Variants in ADGRG6 observed in about 807,000 individuals in gnomAD.
ADGRG6 encodes adhesion G protein-coupled receptor G6.
ADGRG6 carries 84 observed loss-of-function variants against 142.4 expected under a neutral mutation model. The ratio of observed to expected loss-of-function variants is 0.59; its 90% CI spans 0.49 to 0.71. The LOEUF is 0.71. ADGRG6 is among the 30% of genes least tolerant of loss of function. The pLI is 0.00. For missense variants in ADGRG6, 1,367 were observed against 1,466.6 expected, an observed-to-expected ratio of 0.93 and a Z score of 1.11; for synonymous variants, 521 against 520.5, an observed-to-expected ratio of 1.00 and a Z score of -0.01.
chr6:142,351,258 A>C (rs1400460930), intron 2 of ADGRG6, among the ~76,000 whole-genome samples: 2 of 152,104 alleles, frequency 1.3e-5, no homozygotes, highest in Non-Finnish European at 2.9e-5. Context: ...CAAAACAAAC[A>C]AACAAAAGAA....
chr6:142,315,685 G>A (rs1452786376), intron 2 of ADGRG6, among the ~76,000 whole-genome samples: 1 of 151,976 alleles, frequency 6.6e-6, no homozygotes, highest in Non-Finnish European at 1.5e-5. Context: ...CCAAAAATTA[G>A]CCTGGTGTGG....
Position 142,427,666 on chromosome 6 carries a change from C to G in ADGRG6, c.3319+7562C>G, listed in dbSNP as rs556036591. Among the ~76,000 whole-genome samples, 44 of 152,236 alleles carry G rather than the reference C, an allele frequency of 2.9e-4. No homozygotes were observed. In the South Asian group the frequency reaches 5.2e-3, roughly 18 times the overall value. ...TCTGTTTTCACACTACGGATAAACA[C>G]ATACCCAAAACTGGGCCGTTTATAA... On this transcript the variant is annotated intron_variant, in intron 22 of 24. Transcript: ENST00000367609.
Position 142,302,212 on chromosome 6 carries a change from G to A in ADGRG6, c.-118G>A. ...CAGAAACGGCGTAAAGGAGGGTCCC[G>A]CCGCGGCGCAGGGCTGGGGCGCCTG... is the stretch of plus-strand genomic sequence containing the variant. On this transcript the variant is annotated 5_prime_UTR_variant, in exon 1 of 25. Transcript: ENST00000367609. 1 of 1,188,084 alleles carries A rather than the reference G, an allele frequency of 8.4e-7. No individual in the cohort carries two copies. Among genetic ancestry groups the A allele is most frequent in the Non-Finnish European group, 1.2e-6 (1 of 844,864 alleles). The allele number at this position is 1,188,084 out of a possible 1,614,324, so 73.6% of individuals were successfully genotyped here. A position where few individuals can be genotyped will look rare whatever the true frequency, so the allele number is the denominator to read the frequency against.
chr6:142,370,613 C>G lies in ADGRG6; in HGVS notation c.889C>G (p.Gln297Glu), dbSNP rs1781195503. 6 of 1,613,046 alleles carry G rather than the reference C, an allele frequency of 3.7e-6. No individual in the cohort carries two copies. The highest frequency in any genetic ancestry group is 2.7e-5 in the African/African-American group (2 of 74,890). ...TGGGAAATTGTTGTTGGGCTCCAATCAAAATGAAATTGTCTCTCTAAAAGG... is the reference window on the plus strand; with the variant it reads ...TGGGAAATTGTTGTTGGGCTCCAATGAAAATGAAATTGTCTCTCTAAAAGG... ...GNGKLLLGSN[Q>E]NEIVSLKGDI... Residue 297 changes from glutamine to glutamate, a missense_variant, in exon 4 of 25, where the codon CAA becomes GAA. Physicochemically the swap from Gln to Glu is conservative, Grantham distance 29. This residue lies in a region of ADGRG6 where 737 missense variants were observed against 746.5 expected (regional missense o/e 0.99). Coordinates refer to ENST00000367609, the MANE Select transcript of ADGRG6 (RefSeq NM_198569.3).
At chr6:142,354,834 T>G (rs538295949) in intron 2 of ADGRG6, among the ~76,000 whole-genome samples, 1 of 152,358 alleles carries the variant, frequency 6.6e-6, no homozygotes, top group African/African-American at 2.4e-5. Flanking sequence ...GAACTAACAG[T>G]TCATCTACTT....
At chr6:142,383,950 A>G (rs930256473) in intron 6 of ADGRG6, 107 bp downstream of exon 6, 10 of 649,638 alleles carry the variant, frequency 1.5e-5, no homozygotes, top group East Asian at 2.7e-5. Flanking sequence ...ACTGGAGTCA[A>G]TTGGTACATT....
chr6:142,418,733 C>T (rs906367299), intron 21 of ADGRG6, among the ~76,000 whole-genome samples: 1 of 151,996 alleles, frequency 6.6e-6, no homozygotes, highest in Non-Finnish European at 1.5e-5. Flanking sequence ...CAGCTTTTGC[C>T]TTTGTGGAGG....
At chr6:142,332,971 G>T (rs560271387) in intron 2 of ADGRG6, among the ~76,000 whole-genome samples, 2 of 152,166 alleles carry the variant, frequency 1.3e-5, no homozygotes, top group Admixed American at 6.5e-5. Context: ...TATACTGAGC[G>T]TAAAAATAGC....
intron 2 of ADGRG6, among the ~76,000 whole-genome samples, chr6:142,344,615 A>C (rs1779807048): frequency 6.6e-6 from 1 of 151,964 alleles, no homozygotes; most frequent in African/African-American, 2.4e-5. Flanking sequence ...TTTTCTTAAG[A>C]AATCTGATAT....
chr6:142,403,677 G>A lies in ADGRG6; in HGVS notation c.1956-125G>A, dbSNP rs144885739. On this transcript the variant is annotated intron_variant, in intron 13 of 24. Coordinates refer to ENST00000367609, the MANE Select transcript of ADGRG6 (RefSeq NM_198569.3). ...TTGGGGTAATTTTATGGGTGTTCAT[G>A]TTAAGATCAGAAAATCTAAACACAA... The A allele has an allele frequency of 2.1e-3, 1,318 of 616,172 alleles. 9 individuals carry two copies. The highest frequency in any genetic ancestry group is 3.8e-3 in the South Asian group (168 of 43,974). 38.2% of individuals were successfully genotyped at this position (616,172 alleles called of 1,614,324 possible).
At chr6:142,317,763 A>G (rs927422565) in intron 2 of ADGRG6, among the ~76,000 whole-genome samples, 1 of 102,652 alleles carries the variant, frequency 9.7e-6, no homozygotes, top group African/African-American at 4.1e-5. Context: ...TATATTATAT[A>G]TATTTATATC....
chr6:142,359,207 A>T (rs1167122460), intron 2 of ADGRG6, among the ~76,000 whole-genome samples: 24 of 150,218 alleles, frequency 1.6e-4, no homozygotes, highest in African/African-American at 5.6e-4. Flanking sequence ...ACCCTATAAA[A>T]AAAAAAAAAA....
At chr6:142,374,209 T>C (rs528385721) in intron 4 of ADGRG6, among the ~76,000 whole-genome samples, 1 of 152,264 alleles carries the variant, frequency 6.6e-6, no homozygotes, top group East Asian at 1.9e-4. Context: ...AGAGTCCGCT[T>C]TGCTGAACCA....
chr6:142,335,404 T>C lies in ADGRG6; in HGVS notation c.103+25760T>C, dbSNP rs142833544. On this transcript the variant is annotated intron_variant, in intron 2 of 24. Transcript: ENST00000367609. ...AGAAAATCGAAGGCCAGAATATAAA[T>C]AGAGAATGAAAATGGAGAACAGGGG... 4.6e-3 allele frequency among the ~76,000 whole-genome samples: 706 copies of C among 152,186 alleles called. 7 individuals carry two copies. The highest frequency in any genetic ancestry group is 9.8e-3 in the Admixed American group (150 of 15,286).
In ADGRG6 at chr6:142,415,871, CCTCCTAGATGGCTGGATCA is replaced by C; in HGVS notation, c.2747_2765del (p.Leu916ProfsTer29). On this transcript the variant is annotated frameshift_variant, in exon 20 of 25. Transcript: ENST00000367609. LOFTEE classifies it high-confidence loss of function. ...CCCTGCTGTTCCTGAATCTCCTCTT[CCTCCTAGATGGCTGGATCA>C]CCTCCTTCAATGTGGATGGACTTTG... The C allele has an allele frequency of 6.2e-7, 1 of 1,612,426 alleles. No individual in the cohort carries two copies. The highest frequency in any genetic ancestry group is 8.5e-7 in the Non-Finnish European group (1 of 1,178,606).
At position 142,392,965 on chromosome 6, in the gene ADGRG6, A is replaced by T; in HGVS notation, c.1326A>T (p.Gln442His). The change falls in exon 8 of 25, where the codon CAA becomes CAT. Residue 442 changes from glutamine to histidine, a missense_variant. Gln to His is a conservative substitution (Grantham distance 24). Coordinates refer to ENST00000367609, the MANE Select transcript of ADGRG6 (RefSeq NM_198569.3). ...KVAEWLNSTF[Q>H]NWNYTVYVVN... ...TTTTCCAGCTCAATTCAACCTTCCA[A>T]AATTGGAACTACACGGTTTATGTCG... The T allele has an allele frequency of 6.3e-7, 1 of 1,599,598 alleles. No individual in the cohort carries two copies. The highest frequency in any genetic ancestry group is 1.1e-5 in the South Asian group (1 of 90,696).
At chr6:142,311,261 G>T (rs1196872889) in intron 2 of ADGRG6, among the ~76,000 whole-genome samples, 3 of 151,792 alleles carry the variant, frequency 2.0e-5, no homozygotes, top group Admixed American at 2.0e-4. Context: ...CTTATTTTTT[G>T]TTATTTCCTG....
chr6:142,416,209 C>T (rs1776352297), intron 20 of ADGRG6, 145 bp downstream of exon 20: 8 of 628,254 alleles, frequency 1.3e-5, no homozygotes, highest in Non-Finnish European at 2.2e-5. Context: ...TATACATAGC[C>T]TAAGGAAGGG....
chr6:142,305,469 C>CACACACACAA, intron 1 of ADGRG6, among the ~76,000 whole-genome samples: 1 of 138,854 alleles, frequency 7.2e-6, no homozygotes, highest in African/African-American at 2.6e-5. Context: ...CACACACACA[C>CACACACACAA]AATTTTTTTC....
Sources: allele counts gnomAD v4.1 joint callset (sites outside exome capture counted in the v4.1 genomes callset), GRCh38; gene constraint gnomAD v4.1.1; regional missense constraint gnomAD v4.1.1; transcripts MANE v1.5; gene names NCBI Gene and HGNC (gene_info 2026-07-23, HGNC 2026-07-21).